Variants in PCDHGB6 observed in about 807,000 individuals in gnomAD.
PCDHGB6 encodes protocadherin gamma-B6.
In PCDHGB6, 51 loss-of-function variants were observed where a neutral mutation model predicts 59.1. The observed-to-expected ratio is 0.86, with a 90% CI of 0.69 to 1.09. The LOEUF (loss-of-function observed/expected upper bound fraction) is 1.09. PCDHGB6 is among the 50% of genes least tolerant of loss of function. PCDHGB6 has a pLI of 0.00. For missense variants in PCDHGB6, 1,148 were observed against 1,205.1 expected (o/e 0.95, Z 0.70); for synonymous variants, 466 against 495.1 (o/e 0.94, Z 0.78).
chr5:141,427,028 C>T (rs960885416), intron 1 of PCDHGB6: 12 of 456,928 alleles, frequency 2.6e-5, no homozygotes, highest in Admixed American at 2.1e-4. Flanking sequence ...ACAAAGTCAG[C>T]CTTAGAGAGA....
intron 1 of PCDHGB6, chr5:141,419,680 C>T (rs757026598): frequency 9.3e-6 from 15 of 1,612,946 alleles, no homozygotes; most frequent in Non-Finnish European, 1.3e-5. Flanking sequence ...TGTCCTACCA[C>T]GTGGTGCAGG....
rs1048686904 is a variant in PCDHGB6, at chr5:141,410,286, C to T, written c.2084C>T (p.Ala695Val). 3.7e-6 allele frequency: 6 copies of T among 1,613,916 alleles called. No homozygotes were observed. The African/African-American group carries it at 6.7e-5, about 18-fold the overall frequency. The change falls in exon 1 of 4, where the codon GCC becomes GTC. Residue 695 changes from alanine to valine, a missense_variant. By Grantham distance (64) the Ala-to-Val change is moderately conservative (BLOSUM62 0). Around this residue, in one of 5 missense-constraint regions of PCDHGB6, gnomAD observed 283 missense variants for 318.6 expected, o/e 0.89. Transcript: ENST00000520790. Reference sequence around the variant, plus strand: ...GAACTGCAGTTTTACCTGGTGGTGGCCTTGGCCTTAATCTCAGTGCTCTTC... The same window carrying T: ...GAACTGCAGTTTTACCTGGTGGTGGTCTTGGCCTTAATCTCAGTGCTCTTC... Reference protein sequence around the residue: ...QAELQFYLVVALALISVLFLL... With the variant: ...QAELQFYLVVVLALISVLFLL...
Position 141,453,292 on chromosome 5 carries a change from T to A in PCDHGB6, c.2419-41515T>A, listed in dbSNP as rs141563552. The stretch of plus-strand genomic sequence containing the variant: ...CCATGACTGGCTAATTTTTTAATTA[T>A]TTATTTATTTATTTATTTATTTTAG... On this transcript the variant is annotated intron_variant, in intron 1 of 3. Transcript: ENST00000520790. Among the ~76,000 whole-genome samples, 253 of 151,810 alleles carry A rather than the reference T, an allele frequency of 1.7e-3. 1 individual carries two copies. The highest frequency in any genetic ancestry group is 2.6e-3 in the Non-Finnish European group (178 of 67,938).
At chr5:141,473,033 G>GGAAA (rs1282468299) in intron 1 of PCDHGB6, among the ~76,000 whole-genome samples, 1 of 146,284 alleles carries the variant, frequency 6.8e-6, no homozygotes, top group African/African-American at 2.5e-5. Flanking sequence ...AAGGAAGGAA[G>GGAAA]GAAAGAAAGA....
At chr5:141,413,661 T>G (rs2095664313) in intron 1 of PCDHGB6, 1 of 1,613,886 alleles carries the variant, frequency 6.2e-7, no homozygotes. Flanking sequence ...CGGAAGCTAT[T>G]GATCCGGATG....
chr5:141,511,048 C>G lies in PCDHGB6; in HGVS notation c.2668C>G (p.Arg890Gly). The G allele has an allele frequency of 6.2e-7, 1 of 1,614,224 alleles. No homozygotes were observed. Among genetic ancestry groups the G allele is most frequent in the Non-Finnish European group, 8.5e-7 (1 of 1,180,028 alleles). ...QFTLQHVPDYRQNVYIPGSNA... is the reference protein window; with the variant it reads ...QFTLQHVPDYGQNVYIPGSNA... ...CACCCTGCAGCACGTGCCCGACTAC[C>G]GCCAGAATGTCTACATCCCAGGCAG... Residue 890 changes from arginine (R) to glycine (G), a missense_variant, in exon 4 of 4, where the codon CGC becomes GGC. Arg to Gly is a moderately radical substitution (Grantham distance 125, BLOSUM62 -2). Transcript: ENST00000520790.
chr5:141,480,273 G>A (rs2099516030), intron 1 of PCDHGB6, among the ~76,000 whole-genome samples: 1 of 151,956 alleles, frequency 6.6e-6, no homozygotes, highest in Non-Finnish European at 1.5e-5. Flanking sequence ...TCATTAGCTG[G>A]GTGTGTTGGC....
rs746989617 is a variant in PCDHGB6 at position 141,422,853 on chromosome 5, C to G, written c.2418+12233C>G. On this transcript the variant is annotated intron_variant, in intron 1 of 3. Transcript: ENST00000520790. ...TAGCACGTGACAGCGGGGACCCGCC[C>G]CTCAGCAGCAACGTGTCGCTGAGCC... 16 of 1,614,146 alleles carry G rather than the reference C, an allele frequency of 9.9e-6. 1 individual carries two copies. In the South Asian group the frequency reaches 1.6e-4, roughly 17 times the overall value.
intron 3 of PCDHGB6, among the ~76,000 whole-genome samples, chr5:141,505,976 A>G (rs911235674): frequency 1.3e-5 from 2 of 152,136 alleles, no homozygotes; most frequent in Admixed American, 1.3e-4. Context: ...CCCAGCCGAG[A>G]GAACACCTCC....
chr5:141,431,527 C>T lies in PCDHGB6; in HGVS notation c.2418+20907C>T. The T allele has an allele frequency of 1.2e-6, 2 of 1,614,086 alleles. No homozygotes were observed. The highest frequency in any genetic ancestry group is 2.2e-5 in the East Asian group (1 of 44,888). ...GCGCGAGCGTTCCGGAGAATCTGGC[C>T]TTGGGCACGCAGCTGCTTGTAGTCA... On this transcript the variant is annotated intron_variant, in intron 1 of 3. Coordinates refer to ENST00000520790, the MANE Select transcript of PCDHGB6 (RefSeq NM_018926.3). This position sits in a 1 kb window ranked among gnomAD's most constrained non-coding sequence, Gnocchi z 4.8.
chr5:141,429,572 T>C (rs1450720834), intron 1 of PCDHGB6, among the ~76,000 whole-genome samples: 1 of 152,226 alleles, frequency 6.6e-6, no homozygotes, highest in South Asian at 2.1e-4. Context: ...TTCAGTTACA[T>C]TTACTTTTGA....
chr5:141,491,508 G>T lies in PCDHGB6; in HGVS notation c.2419-3299G>T. 1 of 1,614,030 alleles carries T rather than the reference G, an allele frequency of 6.2e-7. No homozygotes were observed. Among genetic ancestry groups the T allele is most frequent in the Non-Finnish European group, 8.5e-7 (1 of 1,180,014 alleles). ...ACCTGCAGGTGAGCTCGGACGGCACGCTCAAGTACATGGAGGTGACGCTGC... is the reference window on the plus strand; with the variant it reads ...ACCTGCAGGTGAGCTCGGACGGCACTCTCAAGTACATGGAGGTGACGCTGC... On this transcript the variant is annotated intron_variant, in intron 1 of 3. Transcript: ENST00000520790. The surrounding 1 kb of genome is among the most constrained non-coding windows in gnomAD (Gnocchi z 6.9).
At chr5:141,420,213 G>A in intron 1 of PCDHGB6, 1 of 1,611,648 alleles carries the variant, frequency 6.2e-7, no homozygotes, top group Non-Finnish European at 8.5e-7. Flanking sequence ...AACAAAGATA[G>A]CATGCTACTG....
At position 141,490,745 on chromosome 5, in the gene PCDHGB6, C is replaced by A. The variant is rs769031787; in HGVS notation, c.2419-4062C>A. 1 of 1,614,238 alleles carries A rather than the reference C, an allele frequency of 6.2e-7. No homozygotes were observed. Among genetic ancestry groups the A allele is most frequent in the Non-Finnish European group, 8.5e-7 (1 of 1,180,042 alleles). ...GTAGGAAATCAGGTTCAGGGAGCCCCAGCCTCCTCCTTTGTGTATGTCAAC... is the reference window on the plus strand; with the variant it reads ...GTAGGAAATCAGGTTCAGGGAGCCCAAGCCTCCTCCTTTGTGTATGTCAAC... On this transcript the variant is annotated intron_variant, in intron 1 of 3. Transcript: ENST00000520790. The surrounding 1 kb of genome is among the most constrained non-coding windows in gnomAD (Gnocchi z 5.4).
chr5:141,413,190 G>A (rs965319802), intron 1 of PCDHGB6: 11 of 1,607,556 alleles, frequency 6.8e-6, no homozygotes, highest in East Asian at 2.2e-5. Flanking sequence ...CCGCTCAAAG[G>A]AATCGCTCAA....
At chr5:141,424,762 A>T (rs1002777641) in intron 1 of PCDHGB6, 8 of 152,124 alleles carry the variant, frequency 5.3e-5, no homozygotes, top group African/African-American at 1.9e-4. Context: ...GGTCATTCTT[A>T]TGGCAAATAG....
chr5:141,431,163 A>G lies in PCDHGB6; in HGVS notation c.2418+20543A>G. On this transcript the variant is annotated intron_variant, in intron 1 of 3. Transcript: ENST00000520790. This position sits in a 1 kb window ranked among gnomAD's most constrained non-coding sequence, Gnocchi z 4.8. ...AACGACAATGCGCCTTACTTTCGTG[A>G]AAGTGAATTAGAAATAAAAATTAGT... 1 of 1,614,246 alleles carries G rather than the reference A, an allele frequency of 6.2e-7. No individual in the cohort carries two copies. Among genetic ancestry groups the G allele is most frequent in the Non-Finnish European group, 8.5e-7 (1 of 1,180,036 alleles).
rs748693406 is a variant in PCDHGB6 at position 141,408,157 on chromosome 5, T to C, written c.-46T>C. On this transcript the variant is annotated 5_prime_UTR_variant, in exon 1 of 4. Transcript: ENST00000520790. ...CTCTTTTAGCGCGGTAGAGTGCACT[T>C]TCTCCAACTGGAAAAGCGGGGACCC... 70 of 1,514,372 alleles carry C rather than the reference T, an allele frequency of 4.6e-5. No individual in the cohort carries two copies. Among genetic ancestry groups the C allele is most frequent in the Non-Finnish European group, 5.9e-5 (67 of 1,128,738 alleles). The allele number at this position is 1,514,372 out of a possible 1,614,324, so 93.8% of individuals were successfully genotyped here.
rs145484670 is a variant in PCDHGB6 at position 141,469,912 on chromosome 5, C to T, written c.2419-24895C>T. Among the ~76,000 whole-genome samples, 674 of 152,288 alleles carry T rather than the reference C, an allele frequency of 4.4e-3. 6 individuals are homozygous for T. The highest frequency in any genetic ancestry group is 0.015 in the African/African-American group (642 of 41,562). On this transcript the variant is annotated intron_variant, in intron 1 of 3. Transcript: ENST00000520790. ...TTGGGAAGCCGAGGCAGGCAGACCA[C>T]CCGAGGTCAGGAGTTTGAGACCAGC...
Sources: gnomAD v4.1 joint callset for allele counts (sites outside exome capture counted in the v4.1 genomes callset) on GRCh38, gnomAD v4.1.1 for gene constraint, gnomAD v4.1.1 regional missense constraint, Gnocchi (gnomAD v3.1) non-coding constraint, MANE v1.5 for transcripts, NCBI Gene and HGNC (gene_info 2026-07-23, HGNC 2026-07-21) for gene names.